Variants in GSDMC observed in about 807,000 individuals in gnomAD.
GSDMC encodes gasdermin-C.
GSDMC carries 59 observed loss-of-function variants against 58.0 expected under a neutral mutation model. The observed-to-expected ratio is 1.02, with a 90% CI of 0.82 to 1.26. GSDMC has a LOEUF of 1.26. GSDMC is among the 50% of genes most tolerant of loss of function. The probability of loss-of-function intolerance (pLI) is 0.00; values close to 1 mark genes in which losing one functional copy is unlikely to be tolerated. For missense variants in GSDMC, 659 were observed against 598.5 expected (o/e 1.10, Z -1.06); for synonymous variants, 241 against 220.2 (o/e 1.09, Z -0.83).
At chr8:129,711,292 T>A in the GSDMC span, among the ~76,000 whole-genome samples, 2 of 152,190 alleles carry the variant, frequency 1.3e-5, no homozygotes, top group Non-Finnish European at 2.9e-5. Context: ...ATCCATGTCA[T>A]CTAGTTGAAT....
chr8:129,746,165 C>T (rs543194667), downstream of GSDMC, among the ~76,000 whole-genome samples: 22 of 152,148 alleles, frequency 1.4e-4, no homozygotes, highest in African/African-American at 4.8e-4. Flanking sequence ...AGGTAGAAAA[C>T]ATAGCTCAAG....
At position 129,760,642 on chromosome 8, in the gene GSDMC, A is replaced by AGTCTTTCCCAT. The variant is rs6150812; in HGVS notation, c.677-54_677-53insATGGGAAAGAC. ...GGAGAGTTGAGGTTATTCCTGCCTG[A>AGTCTTTCCCAT]ACCTAGACCAGGGAACTCCTTATAT... On this transcript the variant is annotated intron_variant, in intron 5 of 13. Coordinates refer to ENST00000276708, the MANE Select transcript of GSDMC (RefSeq NM_031415.3). The AGTCTTTCCCAT allele has an allele frequency of 2.6e-4, 268 of 1,015,916 alleles. 1 individual carries two copies. Among genetic ancestry groups the AGTCTTTCCCAT allele is most frequent in the Non-Finnish European group, 3.7e-4 (244 of 652,588 alleles). The allele number at this position is 1,015,916 out of a possible 1,614,324, so 62.9% of individuals were successfully genotyped here.
the GSDMC span, among the ~76,000 whole-genome samples, chr8:129,725,146 G>A: frequency 6.6e-6 from 1 of 152,156 alleles, no homozygotes; most frequent in South Asian, 2.1e-4. Context: ...ATTCACACAT[G>A]CCCTCTCTCC....
chr8:129,785,836 T>C (rs1377384915), intron 1 of GSDMC, among the ~76,000 whole-genome samples, 175 bp downstream of exon 1: 1 of 151,856 alleles, frequency 6.6e-6, no homozygotes. Context: ...ATATATTCCT[T>C]AGCCTTACAT....
At chr8:129,763,453 T>A (rs760057069) in intron 4 of GSDMC, among the ~76,000 whole-genome samples, 13 of 152,192 alleles carry the variant, frequency 8.5e-5, no homozygotes, top group Non-Finnish European at 1.6e-4. Flanking sequence ...AACACATTCT[T>A]TGGGTCTCAG....
chr8:129,724,904 A>T, the GSDMC span, among the ~76,000 whole-genome samples: 1 of 152,228 alleles, frequency 6.6e-6, no homozygotes, highest in African/African-American at 2.4e-5. Flanking sequence ...TCATGAGAAG[A>T]AAAAGGCATT....
the GSDMC span, among the ~76,000 whole-genome samples, chr8:129,712,753 A>T: frequency 6.6e-6 from 1 of 152,264 alleles, no homozygotes; most frequent in African/African-American, 2.4e-5. Context: ...GATGATAAAT[A>T]TTAGACAGGC....
the GSDMC span, among the ~76,000 whole-genome samples, chr8:129,739,820 A>AT: frequency 6.6e-6 from 1 of 152,048 alleles, no homozygotes; most frequent in Non-Finnish European, 1.5e-5. Flanking sequence ...CATTTGTCAT[A>AT]TTTTTTTAAT....
At chr8:129,780,446 C>A (rs1244185871) in intron 1 of GSDMC, among the ~76,000 whole-genome samples, 1 of 152,144 alleles carries the variant, frequency 6.6e-6, no homozygotes, top group Admixed American at 6.5e-5. Flanking sequence ...TAGTAGCAGA[C>A]TTTTCACTGG....
the GSDMC span, among the ~76,000 whole-genome samples, chr8:129,711,622 C>G: frequency 6.6e-6 from 1 of 152,208 alleles, no homozygotes; most frequent in South Asian, 2.1e-4. Context: ...GGTTTCAAGG[C>G]TGATGAGGGG....
the GSDMC span, among the ~76,000 whole-genome samples, chr8:129,716,409 C>A: frequency 5.6e-4 from 86 of 152,304 alleles, 1 homozygote; most frequent in African/African-American, 1.7e-3. Flanking sequence ...CATGATTTGG[C>A]TCTCTGTTTG....
chr8:129,719,884 G>A, the GSDMC span, among the ~76,000 whole-genome samples: 1 of 152,164 alleles, frequency 6.6e-6, no homozygotes, highest in African/African-American at 2.4e-5. Context: ...GGCAGAGGTT[G>A]CAGTGAGCCA....
rs200005605 is a variant in GSDMC at position 129,777,463 on chromosome 8, T to G, written c.125A>C (p.Lys42Thr). 4.3e-6 allele frequency: 7 copies of G among 1,613,110 alleles called. No homozygotes were observed. The highest frequency in any genetic ancestry group is 3.4e-6 in the Non-Finnish European group (4 of 1,179,154). The change falls in exon 2 of 14, where the codon AAG becomes ACG. Residue 42 changes from lysine to threonine, a missense_variant. Lys to Thr is a moderately conservative substitution (Grantham distance 78, BLOSUM62 -1). Coordinates refer to ENST00000276708, the MANE Select transcript of GSDMC (RefSeq NM_031415.3). ...KLRQFVILRKKKDSRSSFWEQ... is the reference protein window; with the variant it reads ...KLRQFVILRKTKDSRSSFWEQ... ...CCAAAATGATGAACGAGAATCCTTC[T>G]TCTTTCGTAATATAACAAACTGACG...
chr8:129,749,146 C>T (rs141356182), intron 13 of GSDMC, among the ~76,000 whole-genome samples: 1 of 152,224 alleles, frequency 6.6e-6, no homozygotes, highest in East Asian at 1.9e-4. Flanking sequence ...AACAGTGTGA[C>T]TAGAGCAGGA....
chr8:129,735,363 G>T, the GSDMC span, among the ~76,000 whole-genome samples: 1 of 152,160 alleles, frequency 6.6e-6, no homozygotes, highest in Non-Finnish European at 1.5e-5. Context: ...ATTCTTCTCA[G>T]CACCACATCG....
chr8:129,748,784 G>C (rs4144736), intron 13 of GSDMC, 44 bp from the exon 14 acceptor site: 715,552 of 1,446,406 alleles, frequency 0.49, 186,277 homozygotes, highest in African/African-American at 0.88. Flanking sequence ...CCTTTAAGAT[G>C]AGGAAGAGAA....
At chr8:129,775,726 C>A (rs1397767071) in intron 3 of GSDMC, among the ~76,000 whole-genome samples, 1 of 152,004 alleles carries the variant, frequency 6.6e-6, no homozygotes, top group Admixed American at 6.5e-5. Flanking sequence ...GTTTTAAAGT[C>A]TTTGTCTCAC....
At chr8:129,727,595 T>C in the GSDMC span, among the ~76,000 whole-genome samples, 2 of 152,154 alleles carry the variant, frequency 1.3e-5, no homozygotes, top group Admixed American at 1.3e-4. Context: ...TTGAAGCCAC[T>C]GTGAAGGAAT....
At chr8:129,753,104 G>A (rs940564777) in intron 6 of GSDMC, among the ~76,000 whole-genome samples, 1 of 152,172 alleles carries the variant, frequency 6.6e-6, no homozygotes, top group African/African-American at 2.4e-5. Flanking sequence ...TTCTAATGCT[G>A]AGCTAGGCTC....
Sources: allele counts gnomAD v4.1 joint callset (sites outside exome capture counted in the v4.1 genomes callset), GRCh38; gene constraint gnomAD v4.1.1; transcripts MANE v1.5; gene names NCBI Gene and HGNC (gene_info 2026-07-23, HGNC 2026-07-21).